NVL: variants seen among roughly 807,000 people sequenced by gnomAD.
The protein encoded by NVL is nuclear VCP like.
Under a neutral mutation model 110.2 loss-of-function variants are expected in NVL, and 84 were observed. The ratio of observed to expected loss-of-function variants is 0.76; its 90% CI spans 0.64 to 0.91. The LOEUF is 0.91. Ranked by LOEUF, NVL falls within the 40% of genes least tolerant of loss-of-function variation. NVL has a pLI of 0.00. For synonymous variants in NVL, 354 were observed against 361.1 expected, an observed-to-expected ratio of 0.98 and a Z score of 0.22; for missense variants, 882 against 1,035.9, an observed-to-expected ratio of 0.85 and a Z score of 2.04.
chr1:224,277,231 G>A (rs557831972), intron 16 of NVL, among the ~76,000 whole-genome samples: 3 of 152,244 alleles, frequency 2.0e-5, no homozygotes, highest in Admixed American at 2.0e-4. Context: ...GAAAGCAGGA[G>A]TCCTATTCAG....
At chr1:224,317,003 G>GT (rs550492888) in intron 4 of NVL, among the ~76,000 whole-genome samples, 148 of 152,124 alleles carry the variant, frequency 9.7e-4, no homozygotes, top group African/African-American at 3.1e-3. Context: ...GCCGGGTGTG[G>GT]TGGCACATGA....
chr1:224,245,099 C>T (rs1661663303), intron 19 of NVL, among the ~76,000 whole-genome samples: 1 of 152,096 alleles, frequency 6.6e-6, no homozygotes, highest in Non-Finnish European at 1.5e-5. Flanking sequence ...TTCTAATCTC[C>T]TTATAATATT....
At chr1:224,263,969 C>T (rs976939335) in intron 18 of NVL, among the ~76,000 whole-genome samples, 6 of 152,272 alleles carry the variant, frequency 3.9e-5, no homozygotes, top group African/African-American at 1.4e-4. Flanking sequence ...GAGCCGAGAT[C>T]ATGCCACTGC....
At chr1:224,311,522 C>T (rs763384037) in intron 5 of NVL, among the ~76,000 whole-genome samples, 41 of 151,554 alleles carry the variant, frequency 2.7e-4, no homozygotes, top group Admixed American at 6.6e-4. Context: ...GTGCATGCCA[C>T]CATGCCCGGC....
chr1:224,270,840 A>G (rs1250378251), intron 17 of NVL, among the ~76,000 whole-genome samples: 1 of 152,238 alleles, frequency 6.6e-6, no homozygotes, highest in East Asian at 1.9e-4. Flanking sequence ...CTGCCAAAAA[A>G]TAAAAAGACA....
At chr1:224,259,440 G>A (rs1663693885) in intron 18 of NVL, among the ~76,000 whole-genome samples, 2 of 152,054 alleles carry the variant, frequency 1.3e-5, no homozygotes, top group African/African-American at 4.8e-5. Flanking sequence ...GTAAAGCTAT[G>A]TAAATATACT....
intron 17 of NVL, among the ~76,000 whole-genome samples, chr1:224,274,322 C>A (rs1665529508): frequency 1.3e-5 from 2 of 151,272 alleles, no homozygotes; most frequent in Non-Finnish European, 2.9e-5. Context: ...TGTAACCATT[C>A]CTTCAGTCAT....
In NVL at chr1:224,285,662, G is replaced by A. The variant is rs190075557; in HGVS notation, c.1899+364C>T. Among the ~76,000 whole-genome samples, 1,164 of 151,888 alleles carry A rather than the reference G, an allele frequency of 7.7e-3. 5 individuals are homozygous for A. Among genetic ancestry groups the A allele is most frequent in the Non-Finnish European group, 0.011 (733 of 67,902 alleles). On this transcript the variant is annotated intron_variant, in intron 15 of 22. Coordinates refer to ENST00000281701, the MANE Select transcript of NVL (RefSeq NM_002533.4). ...AAACAATTTTAGAAAATAATTACAA[G>A]AAATATAGAGGAAAATACTTAAGTT... is the stretch of plus-strand genomic sequence containing the variant.
intron 12 of NVL, among the ~76,000 whole-genome samples, chr1:224,293,299 G>T (rs1667556561): frequency 6.9e-6 from 1 of 144,168 alleles, no homozygotes. Flanking sequence ...TCAATCTCCT[G>T]ACCTCGTGAT....
intron 18 of NVL, among the ~76,000 whole-genome samples, chr1:224,267,731 C>CA (rs1664638105): frequency 6.6e-6 from 1 of 151,184 alleles, no homozygotes; most frequent in Non-Finnish European, 1.5e-5. Flanking sequence ...TGTTCTCAGC[C>CA]AAAAAGAGCT....
intron 18 of NVL, among the ~76,000 whole-genome samples, chr1:224,264,915 C>T (rs1051217865): frequency 2.2e-4 from 33 of 151,852 alleles, no homozygotes; most frequent in African/African-American, 6.5e-4. Flanking sequence ...CCCGGCTAAT[C>T]TTTTTTAATT....
intron 15 of NVL, among the ~76,000 whole-genome samples, chr1:224,283,315 G>A (rs559435597): frequency 6.6e-6 from 1 of 152,068 alleles, no homozygotes; most frequent in Admixed American, 6.6e-5. Context: ...GCAAAACCCC[G>A]TCTCTACTAA....
intron 22 of NVL, among the ~76,000 whole-genome samples, chr1:224,228,592 T>C (rs952408717): frequency 2.0e-5 from 3 of 148,978 alleles, no homozygotes; most frequent in Non-Finnish European, 4.5e-5. Flanking sequence ...TGTGAGCCAC[T>C]GCGCCAGGCC....
At chr1:224,317,169 A>G (rs1270780116) in intron 4 of NVL, among the ~76,000 whole-genome samples, 3 of 151,798 alleles carry the variant, frequency 2.0e-5, no homozygotes, top group African/African-American at 7.3e-5. Context: ...AGTAGAGCTT[A>G]CTGATGTCAA....
chr1:224,239,756 A>T (rs757035123), intron 19 of NVL, among the ~76,000 whole-genome samples: 3 of 152,198 alleles, frequency 2.0e-5, no homozygotes, highest in Non-Finnish European at 4.4e-5. Context: ...ATCAAATTGT[A>T]TTTAATGAAC....
Position 224,275,204 on chromosome 1 carries a change from T to A in NVL, c.2082+135A>T, listed in dbSNP as rs1665634111. ...ACAACTGCTATCTCTAGGATTTGAT[T>A]TCAAATTACTAAGTGTCTTCATTAA... On this transcript the variant is annotated intron_variant, in intron 17 of 22. Coordinates refer to ENST00000281701, the MANE Select transcript of NVL (RefSeq NM_002533.4). The A allele has an allele frequency of 4.0e-6, 4 of 1,008,378 alleles. No homozygotes were observed. The South Asian group carries it at 4.8e-5, about 12-fold the overall frequency. 62.5% of individuals were successfully genotyped at this position (1,008,378 alleles called of 1,614,324 possible).
At chr1:224,289,384 A>T in intron 13 of NVL, 100 bp downstream of exon 13, 1 of 1,259,620 alleles carries the variant, frequency 7.9e-7, no homozygotes, top group Non-Finnish European at 1.1e-6. Context: ...TGCCAATAAA[A>T]CAGAAAGTAA....
intron 19 of NVL, among the ~76,000 whole-genome samples, chr1:224,244,345 C>T (rs188739946): frequency 8.6e-5 from 13 of 151,288 alleles, no homozygotes; most frequent in East Asian, 5.9e-4. Context: ...CCAGCCTGGG[C>T]GACAAGAGCA....
At position 224,239,682 on chromosome 1, in the gene NVL, C is replaced by G. The variant is rs149569270; in HGVS notation, c.2290-3100G>C. Among the ~76,000 whole-genome samples, 1,173 of 152,208 alleles carry G rather than the reference C, an allele frequency of 7.7e-3. 20 individuals are homozygous for G. Among genetic ancestry groups the G allele is most frequent in the African/African-American group, 0.026 (1,081 of 41,520 alleles). The stretch of plus-strand genomic sequence containing the variant: ...ATACTTCTCAATATCTAAATTCTAC[C>G]CTTGGGTTAAGCTGGACCTCCACAA... On this transcript the variant is annotated intron_variant, in intron 19 of 22. Transcript: ENST00000281701.
Sources: allele counts gnomAD v4.1 joint callset (sites outside exome capture counted in the v4.1 genomes callset), GRCh38; gene constraint gnomAD v4.1.1; transcripts MANE v1.5; gene names NCBI Gene and HGNC (gene_info 2026-07-23, HGNC 2026-07-21).